The following ZNF786 variants were observed in gnomAD, a reference collection of about 807,000 sequenced individuals.
ZNF786 encodes zinc finger protein 786.
In ZNF786, 56 loss-of-function variants were observed where a neutral mutation model predicts 63.1. The ratio of observed to expected loss-of-function variants is 0.89; its 90% CI spans 0.72 to 1.11. The LOEUF (loss-of-function observed/expected upper bound fraction) is 1.11, where lower values mean the gene tolerates loss of function less well. Ranked by LOEUF, ZNF786 falls within the 50% of genes least tolerant of loss-of-function variation. ZNF786 has a pLI of 0.00. For synonymous variants in ZNF786, 485 were observed against 406.9 expected, an observed-to-expected ratio of 1.19 and a Z score of -2.31; for missense variants, 1,213 against 1,041.8, an observed-to-expected ratio of 1.16 and a Z score of -2.26.
At position 149,072,086 on chromosome 7, in the gene ZNF786, A is replaced by G. The variant is rs1825438706; in HGVS notation, c.686T>C (p.Met229Thr). 1.4e-5 allele frequency: 22 copies of G among 1,613,276 alleles called. No homozygotes were observed. Among genetic ancestry groups the G allele is most frequent in the Non-Finnish European group, 1.8e-5 (21 of 1,179,728 alleles). The change falls in exon 4 of 4, where the codon ATG (methionine) becomes ACG (threonine). Residue 229 changes from methionine (M) to threonine (T), a missense_variant. Physicochemically the swap from Met to Thr is moderately conservative, Grantham distance 81. Coordinates refer to ENST00000491431, the MANE Select transcript of ZNF786 (RefSeq NM_152411.4). ...EKFNKRAETQ[M>T]PWSSPRVQRH... ...CTGTACCCGAGGGCTGCTCCACGGC[A>G]TCTGCGTCTCCGCCCTCTTGTTGAA...
rs920378104 is a variant in ZNF786, at chr7:149,089,195, G to A, written c.18+1428C>T. On this transcript the variant is annotated intron_variant, in intron 1 of 3. Transcript: ENST00000491431. ...TCTCGATCTCCTGATCTCGTGATCCGCCCGCCTTGGCCTCCCAAAGTGCTG... is the reference window on the plus strand; with the variant it reads ...TCTCGATCTCCTGATCTCGTGATCCACCCGCCTTGGCCTCCCAAAGTGCTG... 3.9e-4 allele frequency among the ~76,000 whole-genome samples: 59 copies of A among 152,168 alleles called. 1 individual carries two copies. The highest frequency in any genetic ancestry group is 9.4e-4 in the African/African-American group (39 of 41,528).
chr7:149,074,788 T>C (rs1409956553), intron 2 of ZNF786, among the ~76,000 whole-genome samples: 1 of 151,818 alleles, frequency 6.6e-6, no homozygotes, highest in Non-Finnish European at 1.5e-5. Flanking sequence ...CAATGCTGTA[T>C]TTTGTCCAAA....
chr7:149,071,876 G>A lies in ZNF786; in HGVS notation c.896C>T (p.Thr299Ile). ...TGGGAGGGAGCGCTTGCCGCATGGGGTGCACTGGGCAGGCTTCTCCCCCTG... is the reference window on the plus strand; with the variant it reads ...TGGGAGGGAGCGCTTGCCGCATGGGATGCACTGGGCAGGCTTCTCCCCCTG... The part of the protein sequence containing the change: ...PQQGEKPAQC[T>I]PCGKRSLPVD... Residue 299 changes from threonine (T) to isoleucine (I), a missense_variant, in exon 4 of 4, where the codon ACC (threonine) becomes ATC (isoleucine). Transcript: ENST00000491431. 6.2e-7 allele frequency: 1 copy of A among 1,601,500 alleles called. No homozygotes were observed. Among genetic ancestry groups the A allele is most frequent in the African/African-American group, 1.3e-5 (1 of 74,956 alleles).
chr7:149,076,394 C>T (rs1026508526), intron 2 of ZNF786, among the ~76,000 whole-genome samples: 18 of 148,826 alleles, frequency 1.2e-4, no homozygotes, highest in African/African-American at 4.2e-4. Flanking sequence ...GGATTACAGG[C>T]ATGAGCCACC....
At chr7:149,075,665 T>G (rs1379889697) in intron 2 of ZNF786, among the ~76,000 whole-genome samples, 1 of 117,218 alleles carries the variant, frequency 8.5e-6, no homozygotes. Flanking sequence ...GTTTTTTTTT[T>G]TTTTTTTTTT....
Position 149,070,657 on chromosome 7 carries a change from G to C in ZNF786, c.2115C>G (p.His705Gln). The change falls in exon 4 of 4, where the codon CAC becomes CAG. Residue 705 changes from histidine to glutamine, a missense_variant. By Grantham distance (24) the His-to-Gln change is conservative (BLOSUM62 0). Coordinates refer to ENST00000491431, the MANE Select transcript of ZNF786 (RefSeq NM_152411.4). ...QGLHTGERPF[H>Q]CPECDKNFRE... ...GGAAGTTCTTGTCACACTCAGGGCA[G>C]TGAAAAGGCCTCTCCCCTGTGTGCA... 6.2e-7 allele frequency: 1 copy of C among 1,613,974 alleles called. No homozygotes were observed. The highest frequency in any genetic ancestry group is 1.7e-5 in the Admixed American group (1 of 60,034).
At chr7:149,073,777 A>ATATATATG (rs1825490216) in intron 3 of ZNF786, among the ~76,000 whole-genome samples, 1 of 97,446 alleles carries the variant, frequency 1.0e-5, no homozygotes, top group South Asian at 4.3e-4. Flanking sequence ...ATATATATAT[A>ATATATATG]TATGTATATA....
intron 2 of ZNF786, among the ~76,000 whole-genome samples, chr7:149,076,574 C>A (rs948785818): frequency 2.6e-5 from 4 of 151,116 alleles, no homozygotes; most frequent in African/African-American, 9.7e-5. Flanking sequence ...CAAAAGTTAG[C>A]TGGGTGTGGT....
At chr7:149,089,457 A>T (rs1825794684) in intron 1 of ZNF786, among the ~76,000 whole-genome samples, 1 of 152,090 alleles carries the variant, frequency 6.6e-6, no homozygotes, top group Non-Finnish European at 1.5e-5. Context: ...CTGGGATTAC[A>T]GGCGTCCGCC....
intron 2 of ZNF786, 108 bp downstream of exon 2, chr7:149,080,483 G>A: frequency 8.4e-7 from 1 of 1,188,886 alleles, no homozygotes; most frequent in Non-Finnish European, 1.1e-6. Context: ...ACCCTTCTGA[G>A]TTAATTTCTG....
intron 1 of ZNF786, among the ~76,000 whole-genome samples, chr7:149,090,244 AGTT>A (rs752476635): frequency 2.0e-5 from 3 of 152,230 alleles, no homozygotes; most frequent in Non-Finnish European, 2.9e-5. Context: ...TTTTTGGAAC[AGTT>A]GTTCTGATTT....
At chr7:149,082,784 T>C (rs771212366) in intron 1 of ZNF786, among the ~76,000 whole-genome samples, 1 of 152,024 alleles carries the variant, frequency 6.6e-6, no homozygotes, top group Non-Finnish European at 1.5e-5. Context: ...GGTTTCACCA[T>C]GTTGGTCAGG....
At chr7:149,073,032 T>C (rs1825460370) in intron 3 of ZNF786, among the ~76,000 whole-genome samples, 1 of 152,208 alleles carries the variant, frequency 6.6e-6, no homozygotes, top group African/African-American at 2.4e-5. Context: ...TACGTGATCC[T>C]TGAGCCATCC....
At chr7:149,079,955 C>T (rs1459913280) in intron 2 of ZNF786, among the ~76,000 whole-genome samples, 1 of 150,900 alleles carries the variant, frequency 6.6e-6, no homozygotes, top group Non-Finnish European at 1.5e-5. Context: ...GGGTGGATCA[C>T]GAGGTCAGGA....
chr7:149,079,563 CTTTTTTT>C (rs377025040), intron 2 of ZNF786, among the ~76,000 whole-genome samples: 3 of 119,424 alleles, frequency 2.5e-5, no homozygotes, highest in South Asian at 2.7e-4. Context: ...GACAGCTACT[CTTTTTTT>C]TTTTTTTTTT....
In ZNF786 at chr7:149,071,424, C is replaced by T. The variant is rs1173515758; in HGVS notation, c.1348G>A (p.Glu450Lys). 6.2e-7 allele frequency: 1 copy of T among 1,613,338 alleles called. No individual in the cohort carries two copies. Among genetic ancestry groups the T allele is most frequent in the Non-Finnish European group, 8.5e-7 (1 of 1,179,854 alleles). ...LTEHIRVHSG[E>K]KPFRCAKCGR... ...CACTTGGCACACCGGAAAGGCTTCT[C>T]TCCGCTGTGGACTCGAATGTGCTCC... is the stretch of plus-strand genomic sequence containing the variant. Residue 450 changes from glutamate to lysine, a missense_variant, in exon 4 of 4, where the codon GAG becomes AAG. Physicochemically the swap from Glu to Lys is moderately conservative, Grantham distance 56 (BLOSUM62 1). Coordinates refer to ENST00000491431, the MANE Select transcript of ZNF786 (RefSeq NM_152411.4).
At chr7:149,083,964 C>G (rs1825690999) in intron 1 of ZNF786, among the ~76,000 whole-genome samples, 1 of 152,156 alleles carries the variant, frequency 6.6e-6, no homozygotes, top group African/African-American at 2.4e-5. Flanking sequence ...CACATCTTTG[C>G]TATTGTGAAT....
chr7:149,080,572 A>C lies in ZNF786; in HGVS notation c.145+19T>G, dbSNP rs1034218520. On this transcript the variant is annotated intron_variant, in intron 2 of 3. Coordinates refer to ENST00000491431, the MANE Select transcript of ZNF786 (RefSeq NM_152411.4). ...GGATCCAGTTCCATGACCTACCCAC[A>C]AAGGTGAACAGGTCTTACCTAGAGA... 27 of 1,566,146 alleles carry C rather than the reference A, an allele frequency of 1.7e-5. No individual in the cohort carries two copies. The highest frequency in any genetic ancestry group is 2.3e-5 in the Non-Finnish European group (27 of 1,162,508).
chr7:149,077,676 G>A (rs981110512), intron 2 of ZNF786, among the ~76,000 whole-genome samples: 14 of 150,472 alleles, frequency 9.3e-5, no homozygotes, highest in African/African-American at 2.7e-4. Context: ...TCTCCTAGCC[G>A]GCCACAGTGG....
Sources: gnomAD v4.1 joint callset for allele counts (sites outside exome capture counted in the v4.1 genomes callset) on GRCh38, gnomAD v4.1.1 for gene constraint, MANE v1.5 for transcripts, NCBI Gene and HGNC (gene_info 2026-07-23, HGNC 2026-07-21) for gene names.